Variants in ZMYND11 observed in about 807,000 individuals in gnomAD.
ZMYND11 encodes the protein zinc finger MYND domain-containing protein 11.
Under a neutral mutation model 84.9 loss-of-function variants are expected in ZMYND11, and 9 were observed. That is an observed-to-expected ratio of 0.11 (90% CI 0.06 to 0.18). The LOEUF is 0.18. ZMYND11 is among the 10% of genes least tolerant of loss of function. ZMYND11 has a pLI of 1.00. For synonymous variants in ZMYND11, 250 were observed against 244.1 expected, an observed-to-expected ratio of 1.02 and a Z score of -0.23; for missense variants, 409 against 761.0, an observed-to-expected ratio of 0.54 and a Z score of 5.44.
intron 2 of ZMYND11, among the ~76,000 whole-genome samples, chr10:202,303 G>A (rs1943333314): frequency 6.6e-6 from 1 of 152,040 alleles, no homozygotes; most frequent in South Asian, 2.1e-4. Flanking sequence ...AGAAAAATAG[G>A]TATGAATTTC....
In ZMYND11 at chr10:246,940, A is replaced by C; in HGVS notation, c.1125A>C (p.Ala375=). The C allele has an allele frequency of 6.2e-7, 1 of 1,611,028 alleles. No homozygotes were observed. Among genetic ancestry groups the C allele is most frequent in the East Asian group, 2.2e-5 (1 of 44,834 alleles). Residue 375 remains alanine, a synonymous_variant, in exon 11 of 15, where the codon GCA becomes GCC. Transcript: ENST00000381604. ...SKNEDRGEEE[A]ESSISSTSNE... ...ATGAGGACCGAGGTGAGGAAGAGGC[A>C]GAATCCAGTATCTCCTCCACCAGTA...
At chr10:188,708 TTTC>T (rs1167874316) in intron 2 of ZMYND11, among the ~76,000 whole-genome samples, 1 of 152,228 alleles carries the variant, frequency 6.6e-6, no homozygotes, top group Non-Finnish European at 1.5e-5. Flanking sequence ...ATCACTTCCT[TTTC>T]TTCTTTAATC....
At chr10:159,984 AT>A (rs1311380774) in intron 1 of ZMYND11, among the ~76,000 whole-genome samples, 1 of 152,106 alleles carries the variant, frequency 6.6e-6, no homozygotes, top group African/African-American at 2.4e-5. Context: ...GCCTTCTCTT[AT>A]GTAATTGCAT....
At chr10:149,281 GGTT>G (rs1333070125) in intron 1 of ZMYND11, among the ~76,000 whole-genome samples, 2 of 111,186 alleles carry the variant, frequency 1.8e-5, no homozygotes, top group African/African-American at 6.6e-5. Flanking sequence ...ACACTGAGGT[GGTT>G]GTTATTATTA....
At chr10:210,151 CATTTT>C in intron 3 of ZMYND11, 103 bp downstream of exon 3, 2 of 1,265,820 alleles carry the variant, frequency 1.6e-6, no homozygotes, top group South Asian at 2.9e-5. Context: ...TTTAATATTT[CATTTT>C]AACATTTGTA....
At position 236,832 on chromosome 10, in the gene ZMYND11, C is replaced by A. The variant is rs1379260881; in HGVS notation, c.439-6C>A. On this transcript the variant is annotated splice_region_variant and splice_polypyrimidine_tract_variant and intron_variant, in intron 4 of 14. Coordinates refer to ENST00000381604, the MANE Select transcript of ZMYND11 (RefSeq NM_001370100.5). The stretch of plus-strand genomic sequence containing the variant: ...GTACCTTTTTTTATTCTTTTTTTTT[C>A]AATAGAGCATTAAGAAGAAGAATAC... The A allele has an allele frequency of 6.3e-7, 1 of 1,592,462 alleles. No individual in the cohort carries two copies. The highest frequency in any genetic ancestry group is 1.4e-5 in the African/African-American group (1 of 72,898).
intron 1 of ZMYND11, among the ~76,000 whole-genome samples, chr10:150,023 A>G (rs1554756528): frequency 6.6e-6 from 1 of 152,176 alleles, no homozygotes; most frequent in South Asian, 2.1e-4. Flanking sequence ...CCAGTATTTT[A>G]TTGAGGATTT....
chr10:205,930 T>C (rs1944055705), intron 2 of ZMYND11, among the ~76,000 whole-genome samples: 1 of 152,076 alleles, frequency 6.6e-6, no homozygotes. Context: ...GGTGATTTTG[T>C]GGTCAGTTGT....
chr10:246,867 A>C lies in ZMYND11; in HGVS notation c.1052A>C (p.Glu351Ala). Residue 351 changes from glutamate to alanine, a missense_variant, in exon 11 of 15, where the codon GAG becomes GCG. Glu to Ala is a moderately radical substitution (Grantham distance 107, BLOSUM62 -1). Around this residue, in one of 7 missense-constraint regions of ZMYND11, gnomAD observed 48 missense variants for 61.1 expected, o/e 0.79. Coordinates refer to ENST00000381604, the MANE Select transcript of ZMYND11 (RefSeq NM_001370100.5). ...MGWKKACDELELHQRFLREGR... is the reference protein window; with the variant it reads ...MGWKKACDELALHQRFLREGR... The stretch of plus-strand genomic sequence containing the variant: ...TGGAAAAAGGCCTGTGATGAGCTGG[A>C]GCTGCATCAGCGTTTCCTACGAGAA... 1.9e-6 allele frequency: 3 copies of C among 1,614,134 alleles called. No homozygotes were observed. Among genetic ancestry groups the C allele is most frequent in the Non-Finnish European group, 2.5e-6 (3 of 1,180,016 alleles).
rs1949069418 is a variant in ZMYND11 at position 231,886 on chromosome 10, C to T, written c.439-4952C>T. ...TCACTTTTAAATACAACAACTTTGC[C>T]ATCTCATAGAATGTTTCTTTCTTGA... On this transcript the variant is annotated intron_variant, in intron 4 of 14. Transcript: ENST00000381604. 2.6e-5 allele frequency among the ~76,000 whole-genome samples: 4 copies of T among 152,192 alleles called. No individual in the cohort carries two copies. In the South Asian group the frequency reaches 8.3e-4, roughly 32 times the overall value.
intron 1 of ZMYND11, among the ~76,000 whole-genome samples, chr10:157,499 A>AT (rs1841992789): frequency 6.6e-6 from 1 of 152,144 alleles, no homozygotes. Context: ...TGCGCCTGGC[A>AT]TAATAGCTAT....
chr10:232,650 T>TTA, intron 4 of ZMYND11, among the ~76,000 whole-genome samples: 1 of 152,184 alleles, frequency 6.6e-6, no homozygotes, highest in African/African-American at 2.4e-5. Context: ...GATCCCTCAT[T>TTA]TATCACCAAA....
intron 2 of ZMYND11, among the ~76,000 whole-genome samples, chr10:208,777 G>C (rs1944645693): frequency 1.3e-5 from 2 of 152,140 alleles, no homozygotes; most frequent in African/African-American, 4.8e-5. Context: ...ACAATGAGGT[G>C]GAGAAGGAAG....
intron 4 of ZMYND11, among the ~76,000 whole-genome samples, chr10:234,373 ACATC>A (rs1949551372): frequency 6.6e-6 from 1 of 152,266 alleles, no homozygotes; most frequent in Non-Finnish European, 1.5e-5. Flanking sequence ...CCTAGAGCTA[ACATC>A]CAGAGGGGAA....
chr10:208,469 A>G (rs1944585563), intron 2 of ZMYND11, among the ~76,000 whole-genome samples: 2 of 152,216 alleles, frequency 1.3e-5, no homozygotes, highest in South Asian at 2.1e-4. Context: ...AACCCCAACA[A>G]AAAGTGGACG....
At chr10:161,379 G>A (rs1157282100) in intron 1 of ZMYND11, among the ~76,000 whole-genome samples, 2 of 152,168 alleles carry the variant, frequency 1.3e-5, no homozygotes, top group African/African-American at 2.4e-5. Flanking sequence ...CACAACACGG[G>A]CAGAGTAGAT....
At chr10:170,871 AAC>A (rs1242861892) in intron 1 of ZMYND11, among the ~76,000 whole-genome samples, 82 of 152,274 alleles carry the variant, frequency 5.4e-4, no homozygotes, top group African/African-American at 1.9e-3. Context: ...ATATGGCCTA[AAC>A]ACAGCCATTA....
chr10:152,532 C>T (rs908987018), intron 1 of ZMYND11, among the ~76,000 whole-genome samples: 1 of 152,282 alleles, frequency 6.6e-6, no homozygotes, highest in Admixed American at 6.5e-5. Context: ...TATATATGCA[C>T]CCAATACAGG....
At chr10:152,130 A>G (rs1465058138) in intron 1 of ZMYND11, among the ~76,000 whole-genome samples, 2 of 152,240 alleles carry the variant, frequency 1.3e-5, no homozygotes, top group East Asian at 3.8e-4. Flanking sequence ...TGTAAAGACC[A>G]TCAATGCTAG....
Sources: allele counts gnomAD v4.1 joint callset (sites outside exome capture counted in the v4.1 genomes callset), GRCh38; gene constraint gnomAD v4.1.1; regional missense constraint gnomAD v4.1.1; transcripts MANE v1.5; gene names NCBI Gene and HGNC (gene_info 2026-07-23, HGNC 2026-07-21).